The following CPOX variants were observed in gnomAD, a reference collection of about 807,000 sequenced individuals.
The protein encoded by CPOX is oxygen-dependent coproporphyrinogen-III oxidase, mitochondrial.
In CPOX, 24 loss-of-function variants were observed where a neutral mutation model predicts 48.9. The ratio of observed to expected loss-of-function variants is 0.49; its 90% CI spans 0.36 to 0.69. The LOEUF is 0.69. Among genes scored for constraint, CPOX ranks in the 30% least tolerant of loss-of-function variants. The probability of loss-of-function intolerance (pLI) is 0.00; values close to 1 mark genes in which losing one functional copy is unlikely to be tolerated. For missense variants in CPOX, 549 were observed against 597.3 expected (o/e 0.92, Z 0.84); for synonymous variants, 249 against 234.6 (o/e 1.06, Z -0.56).
rs997917736 is a variant in CPOX at position 98,580,829 on chromosome 3, T to A, written c.1278-59A>T. 4.5e-6 allele frequency: 7 copies of A among 1,568,034 alleles called. No homozygotes were observed. The African/African-American group carries it at 9.6e-5, about 21-fold the overall frequency. ...ATAAAAAATGACACACATACCTCTTTACTTAAAATAAATGAAAAATAAAAT... is the reference window on the plus strand; with the variant it reads ...ATAAAAAATGACACACATACCTCTTAACTTAAAATAAATGAAAAATAAAAT... On this transcript the variant is annotated intron_variant, in intron 6 of 6. Transcript: ENST00000647941.
chr3:98,585,607 C>CAT lies in CPOX; in HGVS notation c.1005_1006insAT (p.Gly336MetfsTer27). The CAT allele has an allele frequency of 6.2e-7, 1 of 1,614,042 alleles. No individual in the cohort carries two copies. Among genetic ancestry groups the CAT allele is most frequent in the Non-Finnish European group, 8.5e-7 (1 of 1,180,014 alleles). On this transcript the variant is annotated frameshift_variant, in exon 5 of 7. Coordinates refer to ENST00000647941, the MANE Select transcript of CPOX (RefSeq NM_000097.7). LOFTEE classifies it high-confidence loss of function. ...GAGTCAAGATCATCAAAAAAGATAC[C>CAT]ACCAATGCCCCGCCGTTCTCCACGA...
intron 4 of CPOX, among the ~76,000 whole-genome samples, chr3:98,586,871 A>T (rs147527861): frequency 6.6e-6 from 1 of 151,854 alleles, no homozygotes; most frequent in East Asian, 1.9e-4. Flanking sequence ...GTGAACCCGG[A>T]AGGCAGAGCT....
rs1294545038 is a variant in CPOX at position 98,579,934 on chromosome 3, A to T, written c.*749T>A. On this transcript the variant is annotated 3_prime_UTR_variant, in exon 7 of 7. Coordinates refer to ENST00000647941, the MANE Select transcript of CPOX (RefSeq NM_000097.7). The stretch of plus-strand genomic sequence containing the variant: ...CTGAAATAGAAAACTCTTAAGTATC[A>T]GAATTCAGGGATATAAGCTTTCACA... 1.0e-6 allele frequency: 1 copy of T among 985,712 alleles called. No individual in the cohort carries two copies. The highest frequency in any genetic ancestry group is 6.1e-5 in the Admixed American group (1 of 16,278). 61.1% of individuals were successfully genotyped at this position (985,712 alleles called of 1,614,324 possible).
At chr3:98,591,543 G>A (rs1707478558) in intron 1 of CPOX, among the ~76,000 whole-genome samples, 1 of 152,156 alleles carries the variant, frequency 6.6e-6, no homozygotes, top group South Asian at 2.1e-4. Context: ...GAATTTAAGA[G>A]ATCTATATTG....
intron 1 of CPOX, among the ~76,000 whole-genome samples, chr3:98,592,322 G>C (rs1265067196): frequency 6.6e-6 from 1 of 152,178 alleles, no homozygotes; most frequent in Non-Finnish European, 1.5e-5. Flanking sequence ...ACATGGTCAT[G>C]AATGTACGCC....
intron 1 of CPOX, among the ~76,000 whole-genome samples, chr3:98,591,969 A>G (rs1049018450): frequency 2.3e-3 from 32 of 14,188 alleles, no homozygotes; most frequent in African/African-American, 9.6e-3. Context: ...TTCCATCCAT[A>G]TATATATATA....
intron 5 of CPOX, among the ~76,000 whole-genome samples, chr3:98,582,645 C>T (rs570303675): frequency 7.0e-4 from 107 of 152,244 alleles, no homozygotes; most frequent in Non-Finnish European, 1.4e-3. Flanking sequence ...GCACCCGCCA[C>T]CATGACTGGC....
Position 98,593,020 on chromosome 3 carries a change from T to C in CPOX, c.485A>G (p.Gln162Arg). The C allele has an allele frequency of 7.4e-6, 12 of 1,613,892 alleles. No homozygotes were observed. The highest frequency in any genetic ancestry group is 1.0e-5 in the Non-Finnish European group (12 of 1,179,928). The change falls in exon 1 of 7, where the codon CAG (glutamine) becomes CGG (arginine). Residue 162 changes from glutamine (Q) to arginine (R), a missense_variant. Gln to Arg is a conservative substitution (Grantham distance 43). Coordinates refer to ENST00000647941, the MANE Select transcript of CPOX (RefSeq NM_000097.7). ...TACCTGTGCCAGAGCCTGGCACACC[T>C]GGGCCTGGGTCTCCAGAATCAGCAG... ...MELLILETQAQVCQALAQVDG... is the reference protein window; with the variant it reads ...MELLILETQARVCQALAQVDG...
intron 4 of CPOX, among the ~76,000 whole-genome samples, chr3:98,586,820 T>C (rs1436148808): frequency 6.6e-6 from 1 of 152,154 alleles, no homozygotes; most frequent in East Asian, 1.9e-4. Flanking sequence ...GGTGGGCACC[T>C]GTAGTCCCAG....
chr3:98,571,455 G>C, the CPOX span, among the ~76,000 whole-genome samples: 3 of 151,854 alleles, frequency 2.0e-5, no homozygotes, highest in Non-Finnish European at 4.4e-5. Flanking sequence ...TTGGGAGGCC[G>C]AGGCGGGCGG....
intron 1 of CPOX, among the ~76,000 whole-genome samples, chr3:98,592,016 A>T (rs1452205632): frequency 6.6e-6 from 1 of 150,760 alleles, no homozygotes; most frequent in Non-Finnish European, 1.5e-5. Flanking sequence ...TATATGTAGT[A>T]TGAGGATTAA....
Position 98,579,636 on chromosome 3 carries a change from A to T in CPOX, c.*1047T>A, listed in dbSNP as rs1707213772. The T allele has an allele frequency of 1.0e-6, 1 of 982,336 alleles. No homozygotes were observed. The highest frequency in any genetic ancestry group is 1.2e-6 in the Non-Finnish European group (1 of 827,204). The allele number at this position is 982,336 out of a possible 1,614,324, so 60.9% of individuals were successfully genotyped here. On this transcript the variant is annotated 3_prime_UTR_variant, in exon 7 of 7. Coordinates refer to ENST00000647941, the MANE Select transcript of CPOX (RefSeq NM_000097.7). ...GCAAATAAAATAATACATTCATAAT[A>T]TATGAACAAAGAAATCATACATTAA...
chr3:98,575,042 C>T (rs1323719474), downstream of CPOX, among the ~76,000 whole-genome samples: 1 of 152,152 alleles, frequency 6.6e-6, no homozygotes. Context: ...AAGCCTGTCT[C>T]CCTCATCAAG....
chr3:98,571,056 GT>G, the CPOX span, among the ~76,000 whole-genome samples: 6 of 152,250 alleles, frequency 3.9e-5, no homozygotes, highest in Admixed American at 3.9e-4. Context: ...CATAACATGA[GT>G]CTAGGGCATT....
At chr3:98,585,188 TCAG>T (rs1193846522) in intron 5 of CPOX, among the ~76,000 whole-genome samples, 1 of 152,124 alleles carries the variant, frequency 6.6e-6, no homozygotes, top group African/African-American at 2.4e-5. Context: ...CTAAGAGAAA[TCAG>T]CAGAATTAAA....
Position 98,585,536 on chromosome 3 carries a change from C to T in CPOX, c.1077G>A (p.Arg359=). ...GGGGAATGTAAGAAGGAACTACAGCCCTGGCACAGCTCTGTACAAAGCGAA... is the reference window on the plus strand; with the variant it reads ...GGGGAATGTAAGAAGGAACTACAGCTCTGGCACAGCTCTGTACAAAGCGAA... ...EVFRFVQSCA[R]AVVPSYIPLV... is the part of the protein sequence containing the mutation. The change falls in exon 5 of 7, where the codon AGG becomes AGA. Residue 359 remains arginine, a synonymous_variant. Coordinates refer to ENST00000647941, the MANE Select transcript of CPOX (RefSeq NM_000097.7). 6.2e-7 allele frequency: 1 copy of T among 1,614,042 alleles called. No individual in the cohort carries two copies. Among genetic ancestry groups the T allele is most frequent in the Non-Finnish European group, 8.5e-7 (1 of 1,179,980 alleles).
chr3:98,584,013 A>T (rs1472313826), intron 5 of CPOX, among the ~76,000 whole-genome samples: 3 of 152,348 alleles, frequency 2.0e-5, no homozygotes, highest in East Asian at 1.9e-4. Context: ...CAGACATGCA[A>T]TGATACACAA....
chr3:98,581,635 G>C, intron 5 of CPOX, 124 bp from the exon 6 acceptor site: 1 of 723,876 alleles, frequency 1.4e-6, no homozygotes. Context: ...AACTGGCACA[G>C]AGGACACCAG....
intron 4 of CPOX, 182 bp from the exon 5 acceptor site, chr3:98,585,841 C>G (rs1707351920): frequency 1.5e-6 from 1 of 648,374 alleles, no homozygotes; most frequent in Admixed American, 2.6e-5. Context: ...CAGATATCAC[C>G]AAGGTAGAAA....
Sources: allele counts gnomAD v4.1 joint callset (sites outside exome capture counted in the v4.1 genomes callset), GRCh38; gene constraint gnomAD v4.1.1; transcripts MANE v1.5; gene names NCBI Gene and HGNC (gene_info 2026-07-23, HGNC 2026-07-21).